RBFOX1: variants seen among roughly 807,000 people sequenced by gnomAD.
RBFOX1 encodes RNA binding protein fox-1 homolog 1.
Under a neutral mutation model 57.7 loss-of-function variants are expected in RBFOX1, and 8 were observed. That is an observed-to-expected ratio of 0.14 (90% CI 0.08 to 0.25). The LOEUF is 0.25. RBFOX1 is among the 10% of genes least tolerant of loss of function. RBFOX1 has a pLI of 1.00. For missense variants in RBFOX1, 611 were observed against 548.5 expected (o/e 1.11, Z -1.14); for synonymous variants, 326 against 222.4 (o/e 1.47, Z -4.15).
In RBFOX1 at chr16:6,605,929, G is replaced by A. The variant is rs147441993; in HGVS notation, c.-63-48674G>A. 3.1e-3 allele frequency among the ~76,000 whole-genome samples: 466 copies of A among 152,074 alleles called. 1 individual carries two copies. The highest frequency in any genetic ancestry group is 0.011 in the African/African-American group (443 of 41,500). On this transcript the variant is annotated intron_variant, in intron 2 of 15. Coordinates refer to ENST00000550418, the MANE Select transcript of RBFOX1 (RefSeq NM_018723.4). ...AGCCTGGCCAACATGGTGAAACCTCGTCTCTACTAAAATTACAGAAATTAG... is the reference window on the plus strand; with the variant it reads ...AGCCTGGCCAACATGGTGAAACCTCATCTCTACTAAAATTACAGAAATTAG...
At chr16:6,930,732 G>GTT (rs2076367687) in intron 3 of RBFOX1, among the ~76,000 whole-genome samples, 2 of 152,062 alleles carry the variant, frequency 1.3e-5, no homozygotes, top group Admixed American at 1.3e-4. Flanking sequence ...TTTAAAATGG[G>GTT]TTTAACATCT....
chr16:7,364,486 C>CTG (rs2097397432), intron 4 of RBFOX1, among the ~76,000 whole-genome samples: 1 of 147,704 alleles, frequency 6.8e-6, no homozygotes, highest in Non-Finnish European at 1.5e-5. Context: ...TGCTGAGTTT[C>CTG]AAGTACTAGA....
chr16:6,508,707 T>A (rs1016356318), intron 2 of RBFOX1, among the ~76,000 whole-genome samples: 1 of 152,180 alleles, frequency 6.6e-6, no homozygotes, highest in Non-Finnish European at 1.5e-5. Flanking sequence ...TGCAGTTACT[T>A]CATCCTAAAA....
intron 4 of RBFOX1, among the ~76,000 whole-genome samples, chr16:6,004,478 A>G (rs1345808930): frequency 6.6e-6 from 1 of 152,242 alleles, no homozygotes; most frequent in Non-Finnish European, 1.5e-5. Context: ...TCAGTGTGAT[A>G]TGCCTGATGC....
intron 1 of RBFOX1, among the ~76,000 whole-genome samples, chr16:6,118,644 C>T (rs934092671): frequency 1.3e-5 from 2 of 151,160 alleles, no homozygotes; most frequent in Non-Finnish European, 2.9e-5. Context: ...CCCTCTCTTT[C>T]TTTCTCTTTC....
intron 1 of RBFOX1, among the ~76,000 whole-genome samples, chr16:6,243,641 C>T (rs1209525950): frequency 6.6e-6 from 1 of 152,184 alleles, no homozygotes; most frequent in African/African-American, 2.4e-5. Flanking sequence ...TGGCCCGTAA[C>T]CCGGGCCTGT....
At chr16:7,498,666 C>T (rs1421234762) in intron 4 of RBFOX1, among the ~76,000 whole-genome samples, 5 of 152,100 alleles carry the variant, frequency 3.3e-5, no homozygotes, top group Admixed American at 1.3e-4. Flanking sequence ...TGAAATCTGG[C>T]GTGCAGTTGC....
intron 4 of RBFOX1, among the ~76,000 whole-genome samples, chr16:5,978,388 T>C (rs1328766991): frequency 1.3e-5 from 2 of 152,124 alleles, no homozygotes; most frequent in African/African-American, 2.4e-5. Flanking sequence ...TTTGCAGAAA[T>C]GTTTCCAAGT....
At chr16:6,205,586 T>C (rs1311634871) in intron 1 of RBFOX1, among the ~76,000 whole-genome samples, 3 of 152,170 alleles carry the variant, frequency 2.0e-5, no homozygotes, top group African/African-American at 7.2e-5. Context: ...TAGCACCAGG[T>C]ACATTTGGTG....
intron 1 of RBFOX1, among the ~76,000 whole-genome samples, chr16:5,460,244 C>T (rs1317738012): frequency 6.6e-6 from 1 of 152,228 alleles, no homozygotes; most frequent in African/African-American, 2.4e-5. Context: ...TCCCAGCCCA[C>T]TGACTTTTGC....
intron 5 of RBFOX1, among the ~76,000 whole-genome samples, chr16:7,544,496 A>T (rs1475916132): frequency 6.6e-6 from 1 of 152,130 alleles, no homozygotes; most frequent in Admixed American, 6.6e-5. Flanking sequence ...TTGTAAGAAA[A>T]CCATGTCAAG....
At chr16:6,317,497 T>C (rs1489812607) in intron 2 of RBFOX1, among the ~76,000 whole-genome samples, 2 of 152,238 alleles carry the variant, frequency 1.3e-5, no homozygotes, top group Non-Finnish European at 1.5e-5. Flanking sequence ...ACAGTTCATT[T>C]GCTCTTTTTG....
At chr16:6,096,330 G>A (rs7197966) in intron 1 of RBFOX1, among the ~76,000 whole-genome samples, 61,442 of 151,930 alleles carry the variant, frequency 0.4, 13,275 homozygotes, top group Admixed American at 0.51. Context: ...CAGGAAAATC[G>A]TTCCCCAGAT....
chr16:7,131,866 G>C (rs144825988), intron 4 of RBFOX1, among the ~76,000 whole-genome samples: 2 of 152,058 alleles, frequency 1.3e-5, no homozygotes, highest in Non-Finnish European at 2.9e-5. Context: ...ACTTCCAGAG[G>C]GGCACATCTT....
intron 1 of RBFOX1, among the ~76,000 whole-genome samples, chr16:6,089,219 G>A (rs2096135298): frequency 6.6e-6 from 1 of 152,064 alleles, no homozygotes; most frequent in Non-Finnish European, 1.5e-5. Flanking sequence ...GGAGAACAAA[G>A]GAGGTAGATC....
intron 3 of RBFOX1, among the ~76,000 whole-genome samples, chr16:5,697,142 A>G (rs538795259): frequency 6.6e-6 from 1 of 152,044 alleles, no homozygotes; most frequent in South Asian, 2.1e-4. Flanking sequence ...TTATTTCTGG[A>G]TATAATATTA....
chr16:7,658,127 G>A (rs2066781904), intron 12 of RBFOX1, among the ~76,000 whole-genome samples: 3 of 152,136 alleles, frequency 2.0e-5, no homozygotes, highest in African/African-American at 7.2e-5. Context: ...TGCATTCAGT[G>A]AACTGTACCT....
intron 3 of RBFOX1, among the ~76,000 whole-genome samples, chr16:6,727,876 A>T (rs2067613111): frequency 6.6e-6 from 1 of 152,166 alleles, no homozygotes; most frequent in African/African-American, 2.4e-5. Context: ...CTTACAGTCC[A>T]GTATTTACCT....
intron 4 of RBFOX1, among the ~76,000 whole-genome samples, chr16:5,902,406 A>G (rs1017542621): frequency 6.6e-6 from 1 of 151,938 alleles, no homozygotes; most frequent in Admixed American, 6.6e-5. Context: ...AATTTAATTA[A>G]TTAATTTATT....
Sources: allele counts gnomAD v4.1 joint callset (sites outside exome capture counted in the v4.1 genomes callset), GRCh38; gene constraint gnomAD v4.1.1; transcripts MANE v1.5; gene names NCBI Gene and HGNC (gene_info 2026-07-23, HGNC 2026-07-21).